CIB4: variants seen among roughly 807,000 people sequenced by gnomAD.
CIB4 encodes calcium and integrin binding family member 4.
CIB4 carries 25 observed loss-of-function variants against 25.8 expected under a neutral mutation model. That is an observed-to-expected ratio of 0.97 (90% CI 0.71 to 1.35). The LOEUF (loss-of-function observed/expected upper bound fraction) is 1.35. Ranked by LOEUF, CIB4 falls within the 40% of genes most tolerant of loss-of-function variation. The probability of loss-of-function intolerance (pLI) is 0.00; values close to 1 mark genes in which losing one functional copy is unlikely to be tolerated. For missense variants in CIB4, 235 were observed against 228.2 expected (o/e 1.03, Z -0.19); for synonymous variants, 75 against 81.4 (o/e 0.92, Z 0.42).
intron 3 of CIB4, among the ~76,000 whole-genome samples, chr2:26,598,206 A>G (rs1668716210): frequency 6.6e-6 from 1 of 151,976 alleles, no homozygotes; most frequent in Non-Finnish European, 1.5e-5. Context: ...AGACTGAGGC[A>G]GGAGCATCAC....
chr2:26,628,302 G>A (rs541208345), intron 3 of CIB4, among the ~76,000 whole-genome samples: 50 of 152,278 alleles, frequency 3.3e-4, no homozygotes, highest in African/African-American at 1.1e-3. Flanking sequence ...TTGGGAGGTG[G>A]GGGGAGCAGG....
At chr2:26,614,600 G>T (rs181961561) in intron 3 of CIB4, among the ~76,000 whole-genome samples, 42 of 152,284 alleles carry the variant, frequency 2.8e-4, no homozygotes, top group African/African-American at 9.4e-4. Flanking sequence ...TCACTGGCTG[G>T]TCCTGCCACC....
chr2:26,592,181 A>T (rs1029548586), intron 4 of CIB4, among the ~76,000 whole-genome samples: 1 of 152,078 alleles, frequency 6.6e-6, no homozygotes, highest in African/African-American at 2.4e-5. Context: ...CAACCGAAAG[A>T]CTCTTGGCTA....
chr2:26,613,630 CA>C (rs1669038296), intron 3 of CIB4, among the ~76,000 whole-genome samples: 1 of 152,184 alleles, frequency 6.6e-6, no homozygotes, highest in Non-Finnish European at 1.5e-5. Context: ...ATTCATTTTT[CA>C]GATGGGGAAA....
intron 6 of CIB4, 29 bp downstream of exon 6, chr2:26,582,796 A>G: frequency 6.9e-7 from 1 of 1,450,014 alleles, no homozygotes; most frequent in Non-Finnish European, 9.7e-7. Context: ...ACTCTCCTGG[A>G]CAGTCTCACC....
At chr2:26,581,698 T>G (rs1668347326) in intron 6 of CIB4, among the ~76,000 whole-genome samples, 1 of 152,250 alleles carries the variant, frequency 6.6e-6, no homozygotes, top group Admixed American at 6.5e-5. Context: ...AATTATGTGC[T>G]GGGCTGTGAC....
chr2:26,639,908 A>AACACACACAC (rs943250725), intron 2 of CIB4, among the ~76,000 whole-genome samples: 1 of 151,984 alleles, frequency 6.6e-6, no homozygotes, highest in African/African-American at 2.4e-5. Flanking sequence ...CAAACACACA[A>AACACACACAC]ACACACACAC....
intron 3 of CIB4, among the ~76,000 whole-genome samples, chr2:26,608,142 G>T (rs1481568260): frequency 2.0e-5 from 3 of 151,964 alleles, no homozygotes; most frequent in Non-Finnish European, 4.4e-5. Flanking sequence ...GGAGGCTGAG[G>T]CAGGAGAATC....
chr2:26,591,751 C>A (rs1668590544), intron 4 of CIB4, among the ~76,000 whole-genome samples: 1 of 152,194 alleles, frequency 6.6e-6, no homozygotes, highest in Non-Finnish European at 1.5e-5. Context: ...TGGGGTGACT[C>A]AAGAGTCTCT....
At chr2:26,630,931 C>A (rs1201998507) in intron 2 of CIB4, among the ~76,000 whole-genome samples, 1 of 152,084 alleles carries the variant, frequency 6.6e-6, no homozygotes, top group Admixed American at 6.5e-5. Flanking sequence ...GGGAGCCCAC[C>A]ACCCTGACCC....
rs375605562 is a variant in CIB4, at chr2:26,595,212, G to C, written c.292C>G (p.Pro98Ala). The change falls in exon 4 of 7, where the codon CCA becomes GCA. Residue 98 changes from proline (P) to alanine (A), a missense_variant. Physicochemically the swap from Pro to Ala is conservative, Grantham distance 27. Transcript: ENST00000288861. Reference protein sequence around the residue: ...MASVFSEQACPSLKIEYAFRI... With the variant: ...MASVFSEQACASLKIEYAFRI... ...AAGGCATACTCAATCTTCAGGCTTG[G>C]GCAGGCCTGCTCGCTGAACACAGAT... 2.5e-6 allele frequency: 4 copies of C among 1,613,764 alleles called. No individual in the cohort carries two copies. The highest frequency in any genetic ancestry group is 3.4e-6 in the Non-Finnish European group (4 of 1,179,740).
intron 3 of CIB4, among the ~76,000 whole-genome samples, chr2:26,599,897 AT>A (rs112126221): frequency 0.091 from 12,621 of 138,648 alleles, 873 homozygotes; most frequent in African/African-American, 0.16. Context: ...ACATGGTGAA[AT>A]CCTGTCTCTA....
At chr2:26,588,376 G>C (rs956434802) in intron 4 of CIB4, among the ~76,000 whole-genome samples, 1 of 152,218 alleles carries the variant, frequency 6.6e-6, no homozygotes, top group Non-Finnish European at 1.5e-5. Flanking sequence ...GAGGGGCTGG[G>C]GGCTGAGAGC....
intron 3 of CIB4, among the ~76,000 whole-genome samples, chr2:26,628,110 C>A (rs1021118346): frequency 6.6e-6 from 1 of 152,192 alleles, no homozygotes. Flanking sequence ...AGAAGCCTGA[C>A]GTAGCCATGA....
intron 3 of CIB4, among the ~76,000 whole-genome samples, chr2:26,622,976 C>T (rs1270727306): frequency 6.6e-6 from 1 of 151,434 alleles, no homozygotes; most frequent in African/African-American, 2.4e-5. Flanking sequence ...GAGTGAGACT[C>T]CATCTCAAAA....
At chr2:26,607,358 A>G (rs1668908993) in intron 3 of CIB4, among the ~76,000 whole-genome samples, 1 of 152,260 alleles carries the variant, frequency 6.6e-6, no homozygotes, top group Non-Finnish European at 1.5e-5. Context: ...ATAACCAAAA[A>G]TCAATTGTCC....
intron 3 of CIB4, among the ~76,000 whole-genome samples, chr2:26,601,080 G>A (rs977376081): frequency 6.6e-6 from 1 of 151,712 alleles, no homozygotes; most frequent in African/African-American, 2.4e-5. Flanking sequence ...AATTGGCCAG[G>A]TATGGTCTTG....
intron 3 of CIB4, among the ~76,000 whole-genome samples, chr2:26,599,053 T>C (rs1572548798): frequency 6.6e-6 from 1 of 152,200 alleles, no homozygotes; most frequent in Non-Finnish European, 1.5e-5. Context: ...AACGAATAAA[T>C]TTGGGGACCT....
At chr2:26,598,730 A>G (rs1668728641) in intron 3 of CIB4, among the ~76,000 whole-genome samples, 2 of 152,176 alleles carry the variant, frequency 1.3e-5, no homozygotes, top group Non-Finnish European at 2.9e-5. Context: ...CTTCTCTCCC[A>G]GGGTCCCTGT....
Sources: gnomAD v4.1 joint callset for allele counts (sites outside exome capture counted in the v4.1 genomes callset) on GRCh38, gnomAD v4.1.1 for gene constraint, MANE v1.5 for transcripts, NCBI Gene and HGNC (gene_info 2026-07-23, HGNC 2026-07-21) for gene names.